Variants in ZNF814 observed in about 807,000 individuals in gnomAD.
ZNF814 encodes zinc finger protein 814.
In ZNF814, 5 loss-of-function variants were observed where a neutral mutation model predicts 7.5. That is an observed-to-expected ratio of 0.67 (90% CI 0.35 to 1.40). The LOEUF is 1.40. ZNF814 is among the 40% of genes most tolerant of loss of function. The pLI is 0.04. For missense variants in ZNF814, 962 were observed against 1,018.0 expected, an observed-to-expected ratio of 0.94 and a Z score of 0.75; for synonymous variants, 315 against 340.7, an observed-to-expected ratio of 0.92 and a Z score of 0.83.
chr19:57,899,844 T>A, the ZNF814 span, among the ~76,000 whole-genome samples: 4,893 of 152,270 alleles, frequency 0.032, 282 homozygotes, highest in African/African-American at 0.11. Context: ...CAGATCAAAT[T>A]GCTGTACTAA....
At position 57,871,850 on chromosome 19, in the gene ZNF814, C is replaced by T. The variant is rs183231892; in HGVS notation, c.*972G>A. 6.7e-6 allele frequency among the ~76,000 whole-genome samples: 1 copy of T among 150,278 alleles called. No homozygotes were observed. The highest frequency in any genetic ancestry group is 1.5e-5 in the Non-Finnish European group (1 of 67,768). On this transcript the variant is annotated 3_prime_UTR_variant, in exon 3 of 3. Coordinates refer to ENST00000435989, the MANE Select transcript of ZNF814 (RefSeq NM_001144989.2). Reference sequence around the variant, plus strand: ...AAAGGCCAGGCACAGTAACTCACACCTGTAATCCCAGCATGTTTGGAGGCC... The same window carrying T: ...AAAGGCCAGGCACAGTAACTCACACTTGTAATCCCAGCATGTTTGGAGGCC...
chr19:57,892,091 C>T (rs188847615), upstream of ZNF814, among the ~76,000 whole-genome samples: 23 of 152,280 alleles, frequency 1.5e-4, no homozygotes, highest in East Asian at 3.7e-3. Flanking sequence ...ATTGATGTCT[C>T]TTGCCTCCTT....
Position 57,873,331 on chromosome 19 carries a change from G to A in ZNF814, c.2059C>T (p.Pro687Ser). The change falls in exon 3 of 3, where the codon CCT (proline) becomes TCT (serine). Residue 687 changes from proline (P) to serine (S), a missense_variant. Coordinates refer to ENST00000435989, the MANE Select transcript of ZNF814 (RefSeq NM_001144989.2). ...LHQHGHTGER[P>S]YVCRECGKLF... is the part of the protein sequence containing the mutation. Reference sequence around the variant, plus strand: ...TTTCCACATTCCCTACATACATAAGGTCTTTCTCCAGTATGGCCATGCTGG... The same window carrying A: ...TTTCCACATTCCCTACATACATAAGATCTTTCTCCAGTATGGCCATGCTGG... The A allele has an allele frequency of 6.3e-7, 1 of 1,591,692 alleles. No individual in the cohort carries two copies. The highest frequency in any genetic ancestry group is 8.6e-7 in the Non-Finnish European group (1 of 1,168,624).
chr19:57,892,370 G>A (rs2071738730), upstream of ZNF814, among the ~76,000 whole-genome samples: 1 of 152,198 alleles, frequency 6.6e-6, no homozygotes, highest in South Asian at 2.1e-4. Flanking sequence ...CCAACTTGGT[G>A]GAGTTAGAGT....
chr19:57,902,367 G>A, the ZNF814 span, among the ~76,000 whole-genome samples: 2 of 152,166 alleles, frequency 1.3e-5, no homozygotes, highest in East Asian at 3.9e-4. Context: ...TCATTGGAAA[G>A]AGAACCATAC....
chr19:57,888,182 G>A (rs1344038066), intron 1 of ZNF814, among the ~76,000 whole-genome samples: 2 of 152,154 alleles, frequency 1.3e-5, no homozygotes, highest in African/African-American at 4.8e-5. Context: ...ACATTTACAT[G>A]TTAAGTATAC....
intron 1 of ZNF814, among the ~76,000 whole-genome samples, chr19:57,884,855 T>A (rs1403199816): frequency 6.6e-6 from 1 of 152,128 alleles, no homozygotes; most frequent in Admixed American, 6.5e-5. Context: ...TGGGGGTTCC[T>A]TAAAAAACTA....
intron 1 of ZNF814, chr19:57,885,789 C>G (rs750696408): frequency 1.3e-5 from 2 of 151,148 alleles, no homozygotes; most frequent in Non-Finnish European, 2.9e-5. Flanking sequence ...TTTTAAATAA[C>G]AAAAAGAGTA....
At chr19:57,883,737 A>G (rs2071667431) in intron 1 of ZNF814, among the ~76,000 whole-genome samples, 1 of 151,914 alleles carries the variant, frequency 6.6e-6, no homozygotes, top group Non-Finnish European at 1.5e-5. Context: ...ACTACCAAAA[A>G]AGACTGAAGT....
At chr19:57,887,390 C>T (rs2071701441) in intron 1 of ZNF814, among the ~76,000 whole-genome samples, 2 of 152,202 alleles carry the variant, frequency 1.3e-5, no homozygotes, top group African/African-American at 2.4e-5. Context: ...AGGCCAATTG[C>T]CCACCAACTG....
the ZNF814 span, among the ~76,000 whole-genome samples, chr19:57,902,915 A>G: frequency 2.0e-5 from 3 of 151,854 alleles, no homozygotes; most frequent in African/African-American, 4.8e-5. Context: ...TTCTGGCCTC[A>G]TGATCCGCCC....
rs2071582477 is a variant in ZNF814, at chr19:57,874,084, A to G, written c.1306T>C (p.Tyr436His). ...HQRFHTGEKP[Y>H]GCEECGKSFS... is the part of the protein sequence containing the mutation. ...GATTTCCCACATTCTTCACACCCAT[A>G]AGGTTTTTCTCCAGTGTGAAATCGC... The change falls in exon 3 of 3, where the codon TAT becomes CAT. Residue 436 changes from tyrosine (Y) to histidine (H), a missense_variant. Around this residue, in one of 7 missense-constraint regions of ZNF814, gnomAD observed 665 missense variants for 551.4 expected, o/e 1.21. Transcript: ENST00000435989. 1.2e-6 allele frequency: 2 copies of G among 1,605,524 alleles called. No homozygotes were observed. Among genetic ancestry groups the G allele is most frequent in the East Asian group, 4.5e-5 (2 of 44,358 alleles).
chr19:57,887,417 C>G (rs572988151), intron 1 of ZNF814, among the ~76,000 whole-genome samples: 1 of 152,322 alleles, frequency 6.6e-6, no homozygotes, highest in South Asian at 2.1e-4. Context: ...ACCAAGATGC[C>G]TTTTGTCTTC....
At chr19:57,883,367 A>AG (rs2122456288) in intron 1 of ZNF814, among the ~76,000 whole-genome samples, 1 of 151,282 alleles carries the variant, frequency 6.6e-6, no homozygotes, top group East Asian at 2.0e-4. Context: ...CAAAAAAAAA[A>AG]AAAAAATAGA....
chr19:57,904,322 C>T, the ZNF814 span, among the ~76,000 whole-genome samples: 1 of 152,094 alleles, frequency 6.6e-6, no homozygotes, highest in East Asian at 1.9e-4. Context: ...ATAGTGTGGG[C>T]TCCTAGAGCT....
chr19:57,903,430 T>C, the ZNF814 span, among the ~76,000 whole-genome samples: 1 of 152,226 alleles, frequency 6.6e-6, no homozygotes, highest in African/African-American at 2.4e-5. Context: ...GCATCATAAG[T>C]TTAGAAACTA....
chr19:57,902,696 T>C, the ZNF814 span, among the ~76,000 whole-genome samples: 1 of 151,886 alleles, frequency 6.6e-6, no homozygotes, highest in African/African-American at 2.4e-5. Flanking sequence ...AGTCTCGCTC[T>C]GTCCCCCAGG....
chr19:57,872,943 G>T lies in ZNF814; in HGVS notation c.2447C>A (p.Thr816Asn). The change falls in exon 3 of 3, where the codon ACT becomes AAT. Residue 816 changes from threonine (T) to asparagine (N), a missense_variant. Thr to Asn is a moderately conservative substitution (Grantham distance 65, BLOSUM62 0). Around this residue, in one of 7 missense-constraint regions of ZNF814, gnomAD observed 665 missense variants for 551.4 expected, o/e 1.21. Coordinates refer to ENST00000435989, the MANE Select transcript of ZNF814 (RefSeq NM_001144989.2). ...TCCAGTGTGAACTCTCTTGTGTTTA[G>T]TGAGACTGGAGCTTTCAGCAAAAGA... Reference protein sequence around the residue: ...GKSFAESSSLTKHKRVHTGEK... With the variant: ...GKSFAESSSLNKHKRVHTGEK... The T allele has an allele frequency of 6.2e-7, 1 of 1,611,970 alleles. No individual in the cohort carries two copies. The highest frequency in any genetic ancestry group is 8.5e-7 in the Non-Finnish European group (1 of 1,179,432).
At chr19:57,891,393 C>T (rs182960291), upstream of ZNF814, among the ~76,000 whole-genome samples, 10 of 151,162 alleles carry the variant, frequency 6.6e-5, no homozygotes, top group East Asian at 2.0e-3. Context: ...GGCGTGGTGG[C>T]GGGTGCCTGT....
Sources: allele counts gnomAD v4.1 joint callset (sites outside exome capture counted in the v4.1 genomes callset), GRCh38; gene constraint gnomAD v4.1.1; regional missense constraint gnomAD v4.1.1; transcripts MANE v1.5; gene names NCBI Gene and HGNC (gene_info 2026-07-23, HGNC 2026-07-21).